PRKX: variants seen among roughly 807,000 people sequenced by gnomAD.
PRKX encodes the protein protein kinase cAMP-dependent X-linked catalytic subunit.
Under a neutral mutation model 22.0 loss-of-function variants are expected in PRKX, and 12 were observed. The ratio of observed to expected loss-of-function variants is 0.54; its 90% CI spans 0.35 to 0.88. The LOEUF (loss-of-function observed/expected upper bound fraction) is 0.88. Ranked by LOEUF, PRKX falls within the 40% of genes least tolerant of loss-of-function variation. PRKX has a pLI of 0.01. For synonymous variants in PRKX, 134 were observed against 137.7 expected, an observed-to-expected ratio of 0.97 and a Z score of 0.19; for missense variants, 217 against 308.0, an observed-to-expected ratio of 0.70 and a Z score of 2.21.
intron 3 of PRKX, among the ~76,000 whole-genome samples, chrX:3,645,044 T>G (rs1387763650): frequency 8.9e-6 from 1 of 111,810 alleles, no homozygotes; most frequent in Admixed American, 9.5e-5. Flanking sequence ...CCCCAACGCC[T>G]AGCTGAATGT....
intron 1 of PRKX, among the ~76,000 whole-genome samples, chrX:3,676,495 G>A (rs1196676808): frequency 9.0e-6 from 1 of 111,634 alleles, no homozygotes; most frequent in Non-Finnish European, 1.9e-5. Flanking sequence ...CTCAGTGTCC[G>A]TCCAAGGGCA....
chrX:3,631,054 T>C (rs1293247409), intron 4 of PRKX, among the ~76,000 whole-genome samples: 1 of 112,381 alleles, frequency 8.9e-6, no homozygotes, highest in East Asian at 2.8e-4. Context: ...TCAGGTATGC[T>C]AGCAACGGAA....
chrX:3,615,097 C>A (rs1478489659), intron 7 of PRKX, among the ~76,000 whole-genome samples: 1 of 99,680 alleles, frequency 1.0e-5, no homozygotes, highest in Non-Finnish European at 2.0e-5. Flanking sequence ...TGGCTCACTG[C>A]AACCTCCGCC....
intron 2 of PRKX, among the ~76,000 whole-genome samples, chrX:3,658,182 G>C: frequency 9.0e-6 from 1 of 110,976 alleles, no homozygotes; most frequent in East Asian, 2.8e-4. Flanking sequence ...GTAGAGATGG[G>C]GCTTCACCAT....
intron 1 of PRKX, among the ~76,000 whole-genome samples, chrX:3,693,781 CA>C (rs146982456): frequency 9.4e-6 from 1 of 105,889 alleles, no homozygotes; most frequent in Non-Finnish European, 1.9e-5. Context: ...ACTAAAAATA[CA>C]AAAAAAAATT....
rs187100992 is a variant in PRKX, at chrX:3,689,962, G to A, written c.167-15196C>T. ...ACTGCACTCCAGCCTGCGTGACAGA[G>A]CAAGACTCTGTCTCGAAAAAAACAA... On this transcript the variant is annotated intron_variant, in intron 1 of 8. Coordinates refer to ENST00000262848, the MANE Select transcript of PRKX (RefSeq NM_005044.5). Among the ~76,000 whole-genome samples, 396 of 111,213 alleles carry A rather than the reference G, an allele frequency of 3.6e-3. 6 individuals are homozygous for A. Among genetic ancestry groups the A allele is most frequent in the Non-Finnish European group, 3.7e-3 (195 of 53,015 alleles).
At chrX:3,705,842 C>T (rs1368034842) in intron 1 of PRKX, among the ~76,000 whole-genome samples, 14 of 106,648 alleles carry the variant, frequency 1.3e-4, no homozygotes, top group African/African-American at 4.9e-4. Flanking sequence ...CGCCCGCCAC[C>T]ACACCCGGCT....
rs142196063 is a variant in PRKX at position 3,697,442 on chromosome X, T to C, written c.166+15646A>G. 4.9e-3 allele frequency among the ~76,000 whole-genome samples: 545 copies of C among 112,055 alleles called. 6 individuals carry two copies. Among genetic ancestry groups the C allele is most frequent in the African/African-American group, 0.017 (511 of 30,862 alleles). On this transcript the variant is annotated intron_variant, in intron 1 of 8. Coordinates refer to ENST00000262848, the MANE Select transcript of PRKX (RefSeq NM_005044.5). ...AATTGGAGACCTGCTTCCTGCACAC[T>C]CTGTTACTCCTTTATCTCCTGGGTC...
chrX:3,652,155 A>C (rs1171129341), intron 3 of PRKX, among the ~76,000 whole-genome samples: 4 of 110,927 alleles, frequency 3.6e-5, no homozygotes, highest in African/African-American at 1.3e-4. Context: ...GCGGTGGCTC[A>C]CACCTGTAAT....
chrX:3,698,219 C>T (rs935061757), intron 1 of PRKX, among the ~76,000 whole-genome samples: 1 of 112,024 alleles, frequency 8.9e-6, no homozygotes, highest in East Asian at 2.8e-4. Flanking sequence ...TGTACAACTA[C>T]GGATCTTGTA....
chrX:3,668,258 G>A (rs1364861540), intron 2 of PRKX: 1 of 111,647 alleles, frequency 9.0e-6, no homozygotes, highest in Non-Finnish European at 1.9e-5. Flanking sequence ...TCATTTTTTG[G>A]ACAAAGAAGA....
chrX:3,613,854 C>CAAAAAAAAAAAAAAAAAAAAAAAAA lies in PRKX; in HGVS notation c.952-1554_952-1530dup, dbSNP rs1205221732. Reference sequence around the variant, plus strand: ...TGAGCGACAAAGTGAGACTCCATCTCAAAAAAAAAAAAAAAAAAAAAAAAA... The same window carrying CAAAAAAAAAAAAAAAAAAAAAAAAA: ...TGAGCGACAAAGTGAGACTCCATCTCAAAAAAAAAAAAAAAAAAAAAAAAAAAAAAAAAAAAAAAAAAAAAAAAAA... On this transcript the variant is annotated intron_variant, in intron 7 of 8. Transcript: ENST00000262848. Among the ~76,000 whole-genome samples, 8 of 39,419 alleles carry CAAAAAAAAAAAAAAAAAAAAAAAAA rather than the reference C, an allele frequency of 2.0e-4. 1 individual carries two copies. Among genetic ancestry groups the CAAAAAAAAAAAAAAAAAAAAAAAAA allele is most frequent in the Admixed American group, 9.6e-4 (2 of 2,084 alleles). The allele number at this position is 39,419 out of a possible 115,157, so 34.2% of individuals were successfully genotyped here. A position where few individuals can be genotyped will look rare whatever the true frequency, so the allele number is the denominator to read the frequency against.
rs1415317887 is a variant in PRKX, at chrX:3,606,941, C to T, written c.*2028G>A. 1 of 111,658 alleles carries T rather than the reference C, an allele frequency of 9.0e-6. No homozygotes were observed. Among genetic ancestry groups the T allele is most frequent in the East Asian group, 2.8e-4 (1 of 3,546 alleles). 9.2% of individuals were successfully genotyped at this position (111,658 alleles called of 1,213,427 possible). A position where few individuals can be genotyped will look rare whatever the true frequency, so the allele number is the denominator to read the frequency against. On this transcript the variant is annotated 3_prime_UTR_variant, in exon 9 of 9. Coordinates refer to ENST00000262848, the MANE Select transcript of PRKX (RefSeq NM_005044.5). ...ACGACGTCTGTAAAGAACAAGGTCA[C>T]CAATGTGCTTGCATATTTCATTTTC...
In PRKX at chrX:3,713,614, C is replaced by A. The variant is rs1319152741; in HGVS notation, c.-361G>T. The stretch of plus-strand genomic sequence containing the variant: ...CCCGCCGCCTCCTCCAGCTCGGTAG[C>A]CGCGTGCGCGCTGTTGGGGCGGGCG... On this transcript the variant is annotated 5_prime_UTR_variant, in exon 1 of 9. Transcript: ENST00000262848. 1 of 126,283 alleles carries A rather than the reference C, an allele frequency of 7.9e-6. No individual in the cohort carries two copies. The highest frequency in any genetic ancestry group is 1.6e-5 in the Non-Finnish European group (1 of 62,479). The allele number at this position is 126,283 out of a possible 1,213,427, so 10.4% of individuals were successfully genotyped here.
At chrX:3,640,670 T>C (rs1927059959) in intron 4 of PRKX, among the ~76,000 whole-genome samples, 1 of 111,451 alleles carries the variant, frequency 9.0e-6, no homozygotes, top group African/African-American at 3.3e-5. Flanking sequence ...AACTCCATCC[T>C]GAACAGGGGC....
At chrX:3,671,372 G>T (rs1358528555) in intron 2 of PRKX, among the ~76,000 whole-genome samples, 1 of 111,524 alleles carries the variant, frequency 9.0e-6, no homozygotes, top group Non-Finnish European at 1.9e-5. Context: ...AGGGATTACA[G>T]GTGTGAGCCA....
chrX:3,682,126 T>C (rs1394910827), intron 1 of PRKX, among the ~76,000 whole-genome samples: 2 of 110,392 alleles, frequency 1.8e-5, no homozygotes, highest in African/African-American at 6.6e-5. Flanking sequence ...GTATATGGGA[T>C]GGGGTCAGGA....
intron 2 of PRKX, among the ~76,000 whole-genome samples, chrX:3,664,271 T>C (rs765291589): frequency 3.7e-4 from 41 of 112,179 alleles, no homozygotes; most frequent in African/African-American, 1.1e-3. Context: ...TCTCGCTCTG[T>C]TGTTGCATAG....
chrX:3,640,593 T>G (rs774149260), intron 4 of PRKX, among the ~76,000 whole-genome samples: 3 of 111,512 alleles, frequency 2.7e-5, no homozygotes, highest in South Asian at 3.8e-4. Context: ...GGTTGCAGGG[T>G]GGATGGCACC....
Sources: gnomAD v4.1 joint callset for allele counts (sites outside exome capture counted in the v4.1 genomes callset) on GRCh38, gnomAD v4.1.1 for gene constraint, MANE v1.5 for transcripts, NCBI Gene and HGNC (gene_info 2026-07-23, HGNC 2026-07-21) for gene names.